The following KCTD8 variants were observed in gnomAD, a reference collection of about 807,000 sequenced individuals.
The protein encoded by KCTD8 is potassium channel tetramerization domain containing 8, also known as BTB/POZ domain-containing protein KCTD8.
Under a neutral mutation model 31.5 loss-of-function variants are expected in KCTD8, and 27 were observed. That is an observed-to-expected ratio of 0.86 (90% CI 0.63 to 1.18). The LOEUF is 1.18. KCTD8 is among the 50% of genes most tolerant of loss of function. The pLI, the probability that KCTD8 is intolerant of heterozygous loss-of-function variation, is 0.00. For missense variants in KCTD8, 658 were observed against 647.7 expected, an observed-to-expected ratio of 1.02 and a Z score of -0.17; for synonymous variants, 290 against 280.0, an observed-to-expected ratio of 1.04 and a Z score of -0.36.
At chr4:44,216,398 T>C (rs1257058603) in intron 1 of KCTD8, among the ~76,000 whole-genome samples, 1 of 152,156 alleles carries the variant, frequency 6.6e-6, no homozygotes, top group Admixed American at 6.6e-5. Flanking sequence ...GATCCTATTT[T>C]CTAACCCCAA....
At chr4:44,431,900 T>C (rs1721515248) in intron 1 of KCTD8, among the ~76,000 whole-genome samples, 1 of 151,556 alleles carries the variant, frequency 6.6e-6, no homozygotes, top group Admixed American at 6.6e-5. Flanking sequence ...AGTTGAGAGC[T>C]TGAACATCTG....
intron 1 of KCTD8, among the ~76,000 whole-genome samples, chr4:44,402,387 A>G (rs1230685276): frequency 7.2e-5 from 11 of 152,198 alleles, no homozygotes; most frequent in Non-Finnish European, 1.5e-5. Flanking sequence ...ATATAATATC[A>G]ATATTTAATT....
chr4:44,289,636 A>T (rs1475628002), intron 1 of KCTD8, among the ~76,000 whole-genome samples: 1 of 152,112 alleles, frequency 6.6e-6, no homozygotes, highest in Non-Finnish European at 1.5e-5. Flanking sequence ...AAATGTTGGG[A>T]TCCTAGCTAC....
intron 1 of KCTD8, among the ~76,000 whole-genome samples, chr4:44,234,716 T>A (rs7658735): frequency 0.48 from 73,557 of 151,930 alleles, 17,966 homozygotes; most frequent in East Asian, 0.54. Flanking sequence ...GTAAGAGGCC[T>A]CTATAAGCCA....
chr4:44,413,817 C>A (rs1454346166), intron 1 of KCTD8, among the ~76,000 whole-genome samples: 1 of 151,818 alleles, frequency 6.6e-6, no homozygotes, highest in East Asian at 1.9e-4. Flanking sequence ...GAGGGATAAT[C>A]CTGCATTATC....
chr4:44,400,452 C>A (rs1411886869), intron 1 of KCTD8, among the ~76,000 whole-genome samples: 1 of 151,792 alleles, frequency 6.6e-6, no homozygotes, highest in Non-Finnish European at 1.5e-5. Flanking sequence ...AAAAACCAGC[C>A]AGGCACGATG....
chr4:44,257,168 T>C (rs1237262730), intron 1 of KCTD8, among the ~76,000 whole-genome samples: 1 of 151,970 alleles, frequency 6.6e-6, no homozygotes, highest in African/African-American at 2.4e-5. Flanking sequence ...GTTATGGTTA[T>C]ATGAAAATGT....
chr4:44,351,060 C>A (rs991960268), intron 1 of KCTD8, among the ~76,000 whole-genome samples: 2 of 152,276 alleles, frequency 1.3e-5, no homozygotes, highest in Admixed American at 1.3e-4. Flanking sequence ...TGACCTCCAT[C>A]TATAAAGGAA....
intron 1 of KCTD8, among the ~76,000 whole-genome samples, chr4:44,226,387 C>A (rs557619344): frequency 1.3e-5 from 2 of 152,310 alleles, no homozygotes; most frequent in Non-Finnish European, 2.9e-5. Context: ...ATTGTTATGG[C>A]TGCATAGTAT....
At chr4:44,277,959 A>C (rs914951074) in intron 1 of KCTD8, among the ~76,000 whole-genome samples, 1 of 151,978 alleles carries the variant, frequency 6.6e-6, no homozygotes, top group Non-Finnish European at 1.5e-5. Context: ...TTTATGCAGA[A>C]AGTTACAAGG....
intron 1 of KCTD8, among the ~76,000 whole-genome samples, chr4:44,302,234 G>C (rs142144303): frequency 0.014 from 2,125 of 152,210 alleles, 53 homozygotes; most frequent in African/African-American, 0.049. Context: ...CTTTAAAGTA[G>C]TTTTTTCCAA....
chr4:44,348,807 C>T (rs2109423322), intron 1 of KCTD8, among the ~76,000 whole-genome samples: 1 of 152,192 alleles, frequency 6.6e-6, no homozygotes, highest in Non-Finnish European at 1.5e-5. Flanking sequence ...TTGCTGTGTT[C>T]ACCCTCCTTG....
At chr4:44,222,332 C>A (rs1388512169) in intron 1 of KCTD8, among the ~76,000 whole-genome samples, 1 of 152,158 alleles carries the variant, frequency 6.6e-6, no homozygotes, top group African/African-American at 2.4e-5. Flanking sequence ...ACTTCAAGGA[C>A]AAACTGAAAT....
chr4:44,175,103 T>C lies in KCTD8; in HGVS notation c.1109A>G (p.Gln370Arg), dbSNP rs1577809214. The change falls in exon 2 of 2, where the codon CAG (glutamine) becomes CGG (arginine). Residue 370 changes from glutamine (Q) to arginine (R), a missense_variant. Physicochemically the swap from Gln to Arg is conservative, Grantham distance 43 (BLOSUM62 1). Coordinates refer to ENST00000360029, the MANE Select transcript of KCTD8 (RefSeq NM_198353.3). ...CDSHSEASTPQDNPSSAQQAT... is the reference protein window; with the variant it reads ...CDSHSEASTPRDNPSSAQQAT... ...CTGCTGGGCACTGGATGGGTTGTCCTGGGGAGTGCTTGCCTCTGAATGGCT... is the reference window on the plus strand; with the variant it reads ...CTGCTGGGCACTGGATGGGTTGTCCCGGGGAGTGCTTGCCTCTGAATGGCT... The C allele has an allele frequency of 6.2e-7, 1 of 1,614,074 alleles. No individual in the cohort carries two copies. Among genetic ancestry groups the C allele is most frequent in the Non-Finnish European group, 8.5e-7 (1 of 1,179,964 alleles).
intron 1 of KCTD8, among the ~76,000 whole-genome samples, chr4:44,444,813 C>T (rs1340868492): frequency 7.0e-6 from 1 of 142,312 alleles, no homozygotes; most frequent in Non-Finnish European, 1.6e-5. Context: ...GGGGGAATAA[C>T]ATTGATGCTC....
At chr4:44,381,776 C>A (rs1197650998) in intron 1 of KCTD8, among the ~76,000 whole-genome samples, 1 of 151,894 alleles carries the variant, frequency 6.6e-6, no homozygotes, top group Non-Finnish European at 1.5e-5. Flanking sequence ...CTCTCTTGCT[C>A]CTGTTCTCGC....
chr4:44,382,381 C>T (rs1372822235), intron 1 of KCTD8, among the ~76,000 whole-genome samples: 2 of 151,920 alleles, frequency 1.3e-5, no homozygotes, highest in African/African-American at 4.8e-5. Flanking sequence ...ATGACAAACC[C>T]ATGTTTAACA....
chr4:44,305,794 TA>T (rs1717784602), intron 1 of KCTD8, among the ~76,000 whole-genome samples: 1 of 151,888 alleles, frequency 6.6e-6, no homozygotes, highest in Admixed American at 6.6e-5. Context: ...TAGACATTTA[TA>T]AAATCCAACC....
At chr4:44,195,205 A>C (rs1249390152) in intron 1 of KCTD8, among the ~76,000 whole-genome samples, 3 of 151,812 alleles carry the variant, frequency 2.0e-5, no homozygotes, top group Non-Finnish European at 4.4e-5. Context: ...TTTTGAATAA[A>C]AATTTATATA....
Sources: gnomAD v4.1 joint callset for allele counts (sites outside exome capture counted in the v4.1 genomes callset) on GRCh38, gnomAD v4.1.1 for gene constraint, MANE v1.5 for transcripts, NCBI Gene and HGNC (gene_info 2026-07-23, HGNC 2026-07-21) for gene names.